NDUFAF6: variants seen among roughly 807,000 people sequenced by gnomAD.
The protein encoded by NDUFAF6 is NADH:ubiquinone oxidoreductase complex assembly factor 6, also known as NADH dehydrogenase (ubiquinone) complex I, assembly factor 6.
In NDUFAF6, 45 loss-of-function variants were observed where a neutral mutation model predicts 40.8. The observed-to-expected ratio is 1.10, with a 90% CI of 0.87 to 1.42. The LOEUF (loss-of-function observed/expected upper bound fraction) is 1.42, where lower values mean the gene tolerates loss of function less well. Ranked by LOEUF, NDUFAF6 falls within the 40% of genes most tolerant of loss-of-function variation. NDUFAF6 has a pLI of 0.00. For synonymous variants in NDUFAF6, 185 were observed against 155.9 expected, an observed-to-expected ratio of 1.19 and a Z score of -1.39; for missense variants, 435 against 418.5, an observed-to-expected ratio of 1.04 and a Z score of -0.34.
upstream of NDUFAF6, among the ~76,000 whole-genome samples, chr8:94,955,481 A>G (rs1336109272): frequency 6.6e-6 from 1 of 152,230 alleles, no homozygotes; most frequent in East Asian, 1.9e-4. Context: ...CCACCTGTCA[A>G]CACTGTTGCA....
chr8:94,908,352 A>T (rs1563699328), intron 1 of NDUFAF6, among the ~76,000 whole-genome samples: 1 of 152,198 alleles, frequency 6.6e-6, no homozygotes, highest in Non-Finnish European at 1.5e-5. Flanking sequence ...GCTTAGATTT[A>T]CTAAGAATAC....
At chr8:94,930,514 C>T in intron 1 of NDUFAF6, 1 of 1,614,206 alleles carries the variant, frequency 6.2e-7, no homozygotes, top group Non-Finnish European at 8.5e-7. Flanking sequence ...GGCTGATGAA[C>T]AACCCAGCCA....
chr8:94,954,614 AG>A (rs1294340092), upstream of NDUFAF6, among the ~76,000 whole-genome samples: 2 of 152,188 alleles, frequency 1.3e-5, no homozygotes, highest in Non-Finnish European at 2.9e-5. Context: ...TGAGAACCAA[AG>A]GGCATAGAAG....
Position 95,115,064 on chromosome 8 carries a change from A to T in NDUFAF6, n.345-472A>T, listed in dbSNP as rs957036110. On this transcript the variant is annotated intron_variant and non_coding_transcript_variant, in intron 4 of 5. Transcript: ENST00000523184. Reference sequence around the variant, plus strand: ...GGGATAGAGCGAGACTGTTTAAAAAAAAAAAAAAAAAGTGTCTATTGAGAT... The same window carrying T: ...GGGATAGAGCGAGACTGTTTAAAAATAAAAAAAAAAAGTGTCTATTGAGAT... Among the ~76,000 whole-genome samples, 11 of 5,128 alleles carry T rather than the reference A, an allele frequency of 2.1e-3. No homozygotes were observed. The African/African-American group carries it at 0.024, about 11-fold the overall frequency. 3.4% of individuals were successfully genotyped at this position (5,128 alleles called of 152,430 possible).
downstream of NDUFAF6, among the ~76,000 whole-genome samples, chr8:95,117,624 T>C (rs969050896): frequency 6.6e-6 from 1 of 152,232 alleles, no homozygotes; most frequent in African/African-American, 2.4e-5. Flanking sequence ...GTATCATTTT[T>C]TCTCCTTCCT....
downstream of NDUFAF6, among the ~76,000 whole-genome samples, chr8:95,107,622 G>T (rs931788998): frequency 6.6e-6 from 1 of 151,734 alleles, no homozygotes; most frequent in Non-Finnish European, 1.5e-5. Context: ...AGAACTTAAA[G>T]TGTAATAAAA....
chr8:95,101,099 G>T (rs1045347374), intron 1 of NDUFAF6: 3 of 152,132 alleles, frequency 2.0e-5, no homozygotes, highest in Admixed American at 2.0e-4. Context: ...TTTACTTATA[G>T]TAATTGCCTG....
upstream of NDUFAF6, among the ~76,000 whole-genome samples, chr8:94,957,447 T>C (rs181707906): frequency 1.4e-4 from 21 of 152,264 alleles, no homozygotes; most frequent in East Asian, 4.1e-3. Context: ...AGATAAGGGA[T>C]ATCCAGCCAA....
chr8:95,101,314 A>G (rs1475735688), intron 2 of NDUFAF6: 2 of 152,158 alleles, frequency 1.3e-5, no homozygotes, highest in East Asian at 3.9e-4. Flanking sequence ...GAATTTCTGC[A>G]AGCATAATAG....
At chr8:95,085,326 C>T (rs1276958721) in intron 2 of NDUFAF6, among the ~76,000 whole-genome samples, 1 of 152,132 alleles carries the variant, frequency 6.6e-6, no homozygotes, top group Non-Finnish European at 1.5e-5. Flanking sequence ...GTCTTCTCCT[C>T]CTCCCATGCC....
chr8:94,954,095 G>T (rs1287668195), upstream of NDUFAF6, among the ~76,000 whole-genome samples: 2 of 152,044 alleles, frequency 1.3e-5, no homozygotes, highest in Non-Finnish European at 2.9e-5. Context: ...ATGGAATCTC[G>T]CTTCGTCGCC....
downstream of NDUFAF6, among the ~76,000 whole-genome samples, chr8:95,076,415 C>G (rs1833018240): frequency 6.6e-6 from 1 of 152,198 alleles, no homozygotes; most frequent in South Asian, 2.1e-4. Context: ...TCGTGCCAGT[C>G]TCTGTATTTC....
At chr8:94,960,057 A>G (rs1441798829) in intron 1 of NDUFAF6, among the ~76,000 whole-genome samples, 1 of 152,244 alleles carries the variant, frequency 6.6e-6, no homozygotes, top group African/African-American at 2.4e-5. Flanking sequence ...TTGGCTTCAC[A>G]TTTTGTGCAG....
intron 1 of NDUFAF6, among the ~76,000 whole-genome samples, chr8:94,898,233 C>T (rs1468040976): frequency 6.6e-6 from 1 of 152,128 alleles, no homozygotes; most frequent in East Asian, 1.9e-4. Flanking sequence ...AACTAAAGTC[C>T]ATACTTTATT....
chr8:94,939,330 G>A (rs192733193), intron 1 of NDUFAF6, among the ~76,000 whole-genome samples: 44 of 152,262 alleles, frequency 2.9e-4, no homozygotes, highest in African/African-American at 1.0e-3. Flanking sequence ...GCAGAATTTT[G>A]TAAATGAGAA....
chr8:94,947,351 T>C (rs879421623), intron 2 of NDUFAF6, among the ~76,000 whole-genome samples: 1 of 151,938 alleles, frequency 6.6e-6, no homozygotes, highest in Admixed American at 6.6e-5. Context: ...TTGTGGCTCC[T>C]TCACAGTTTC....
chr8:95,100,312 T>C (rs928319751), upstream of NDUFAF6: 1 of 151,438 alleles, frequency 6.6e-6, no homozygotes, highest in African/African-American at 2.4e-5. Flanking sequence ...GAAGACAAAG[T>C]GAACAATTTA....
intron 1 of NDUFAF6, chr8:94,941,016 C>A: frequency 9.1e-7 from 1 of 1,102,996 alleles, no homozygotes; most frequent in Non-Finnish European, 1.4e-6. Flanking sequence ...TTAGTTGGCC[C>A]AATGGTACCG....
intron 2 of NDUFAF6, among the ~76,000 whole-genome samples, chr8:95,082,720 C>T (rs1020697298): frequency 5.5e-4 from 83 of 151,890 alleles, no homozygotes; most frequent in Non-Finnish European, 1.6e-4. Context: ...AGTGCAGTGG[C>T]GGGATCTCGG....
Sources: gnomAD v4.1 joint callset for allele counts (sites outside exome capture counted in the v4.1 genomes callset) on GRCh38, gnomAD v4.1.1 for gene constraint, MANE v1.5 for transcripts, NCBI Gene and HGNC (gene_info 2026-07-23, HGNC 2026-07-21) for gene names.